Variants in MCTP1 observed in about 807,000 individuals in gnomAD.
MCTP1 encodes multiple C2 and transmembrane domain-containing protein 1.
MCTP1 carries 69 observed loss-of-function variants against 120.6 expected under a neutral mutation model. The ratio of observed to expected loss-of-function variants is 0.57; its 90% CI spans 0.47 to 0.70. The LOEUF (loss-of-function observed/expected upper bound fraction) is 0.70, where lower values mean the gene tolerates loss of function less well. MCTP1 is among the 30% of genes least tolerant of loss of function. The pLI, the probability that MCTP1 is intolerant of heterozygous loss-of-function variation, is 0.00. For missense variants in MCTP1, 1,203 were observed against 1,248.8 expected, an observed-to-expected ratio of 0.96 and a Z score of 0.55; for synonymous variants, 529 against 493.1, an observed-to-expected ratio of 1.07 and a Z score of -0.96.
intron 1 of MCTP1, among the ~76,000 whole-genome samples, chr5:95,204,051 A>T (rs1299826155): frequency 7.2e-5 from 11 of 152,192 alleles, no homozygotes; most frequent in Non-Finnish European, 1.5e-4. Context: ...CTTGAAAATC[A>T]ATACTAGAAC....
At chr5:94,916,702 C>T (rs1810159155) in intron 8 of MCTP1, among the ~76,000 whole-genome samples, 6 of 152,178 alleles carry the variant, frequency 3.9e-5, no homozygotes, top group Admixed American at 3.9e-4. Flanking sequence ...TATAGCAAAT[C>T]TCTCAAATAT....
At chr5:94,896,466 C>T (rs1480562388) in intron 10 of MCTP1, among the ~76,000 whole-genome samples, 2 of 151,794 alleles carry the variant, frequency 1.3e-5, no homozygotes, top group South Asian at 2.1e-4. Flanking sequence ...CGGTCCCTTC[C>T]TTTTTTATAT....
intron 1 of MCTP1, among the ~76,000 whole-genome samples, chr5:95,202,713 C>T (rs1751202818): frequency 6.6e-6 from 1 of 151,974 alleles, no homozygotes; most frequent in Non-Finnish European, 1.5e-5. Context: ...AATCAAGAAT[C>T]AATCTTTCTC....
intron 2 of MCTP1, among the ~76,000 whole-genome samples, chr5:94,971,300 C>T (rs1382422002): frequency 6.6e-6 from 1 of 151,936 alleles, no homozygotes; most frequent in African/African-American, 2.4e-5. Flanking sequence ...CATTAATATA[C>T]TTAAAGGAAT....
chr5:94,931,804 C>T, intron 6 of MCTP1, 149 bp downstream of exon 6: 1 of 655,988 alleles, frequency 1.5e-6, no homozygotes, highest in South Asian at 1.9e-5. Flanking sequence ...TAAAAAACAT[C>T]ACATGGTTGG....
At chr5:95,180,572 G>A (rs1369936411) in intron 1 of MCTP1, among the ~76,000 whole-genome samples, 1 of 151,514 alleles carries the variant, frequency 6.6e-6, no homozygotes, top group Non-Finnish European at 1.5e-5. Flanking sequence ...AACTTTCCCT[G>A]TCTATCTCAC....
intron 19 of MCTP1, among the ~76,000 whole-genome samples, chr5:94,721,373 G>T (rs1245628462): frequency 2.0e-5 from 3 of 152,142 alleles, no homozygotes; most frequent in African/African-American, 7.2e-5. Flanking sequence ...TAAAATCCAA[G>T]TGCTGATGTA....
chr5:94,762,327 T>C (rs539757559), intron 19 of MCTP1, among the ~76,000 whole-genome samples: 1 of 152,246 alleles, frequency 6.6e-6, no homozygotes, highest in African/African-American at 2.4e-5. Flanking sequence ...CAGCATCATA[T>C]TGTCCTAATG....
chr5:94,911,480 A>T (rs1055850584), intron 9 of MCTP1, among the ~76,000 whole-genome samples: 1 of 152,134 alleles, frequency 6.6e-6, no homozygotes, highest in Non-Finnish European at 1.5e-5. Flanking sequence ...CATTCTCACA[A>T]CATCTGGTTG....
intron 1 of MCTP1, among the ~76,000 whole-genome samples, chr5:95,251,579 C>A (rs1418981433): frequency 1.3e-5 from 2 of 152,092 alleles, no homozygotes; most frequent in Admixed American, 1.3e-4. Flanking sequence ...GTTGAGATTT[C>A]TTATCTTGCT....
intron 1 of MCTP1, among the ~76,000 whole-genome samples, chr5:95,079,468 C>T (rs930570263): frequency 1.3e-5 from 2 of 152,122 alleles, no homozygotes; most frequent in Non-Finnish European, 2.9e-5. Flanking sequence ...AGACCACATG[C>T]TATCTCACTG....
intron 3 of MCTP1, among the ~76,000 whole-genome samples, chr5:94,945,228 T>A (rs1408592147): frequency 6.6e-6 from 1 of 152,134 alleles, no homozygotes; most frequent in Non-Finnish European, 1.5e-5. Flanking sequence ...TTGGAAACAT[T>A]AGGTAACAGG....
intron 19 of MCTP1, among the ~76,000 whole-genome samples, chr5:94,745,765 G>A (rs115051578): frequency 1.8e-3 from 268 of 152,302 alleles, no homozygotes; most frequent in Non-Finnish European, 3.3e-3. Flanking sequence ...CAAAGTGCTC[G>A]GCTGCAAGCA....
At chr5:94,846,296 A>T (rs1327336102) in intron 17 of MCTP1, among the ~76,000 whole-genome samples, 1 of 152,192 alleles carries the variant, frequency 6.6e-6, no homozygotes, top group Non-Finnish European at 1.5e-5. Context: ...TATAGTACAT[A>T]CACAGCATGG....
intron 1 of MCTP1, among the ~76,000 whole-genome samples, chr5:95,125,113 A>G (rs1028605194): frequency 2.6e-5 from 4 of 152,206 alleles, no homozygotes; most frequent in African/African-American, 9.7e-5. Context: ...TTGGATGTGT[A>G]TGTTTTGTGC....
At chr5:94,850,200 G>C (rs1793372494) in intron 17 of MCTP1, among the ~76,000 whole-genome samples, 1 of 152,170 alleles carries the variant, frequency 6.6e-6, no homozygotes, top group South Asian at 2.1e-4. Flanking sequence ...CAAGATTCCA[G>C]GGTATGCACC....
intron 11 of MCTP1, among the ~76,000 whole-genome samples, chr5:94,893,804 CTGAG>C (rs1006598967): frequency 6.6e-6 from 1 of 152,178 alleles, no homozygotes; most frequent in Non-Finnish European, 1.5e-5. Flanking sequence ...GGTTTCATGG[CTGAG>C]TGTCTAGAGG....
chr5:95,081,884 G>T, intron 1 of MCTP1: 1 of 956,384 alleles, frequency 1.0e-6, no homozygotes, highest in Non-Finnish European at 1.2e-6. Context: ...GCCACAACAG[G>T]AAATGAGAAT....
chr5:94,782,885 GT>G (rs1487965528), intron 18 of MCTP1, among the ~76,000 whole-genome samples: 1 of 152,076 alleles, frequency 6.6e-6, no homozygotes, highest in Non-Finnish European at 1.5e-5. Context: ...ACGAAGTTCG[GT>G]TTTTTCTCTT....
Sources: gnomAD v4.1 joint callset for allele counts (sites outside exome capture counted in the v4.1 genomes callset) on GRCh38, gnomAD v4.1.1 for gene constraint, MANE v1.5 for transcripts, NCBI Gene and HGNC (gene_info 2026-07-23, HGNC 2026-07-21) for gene names.